The following SLC44A5 variants were observed in gnomAD, a reference collection of about 807,000 sequenced individuals.
SLC44A5 encodes choline transporter-like protein 5.
In SLC44A5, 57 loss-of-function variants were observed where a neutral mutation model predicts 101.8. The observed-to-expected ratio is 0.56, with a 90% confidence interval of 0.45 to 0.70. SLC44A5 has a LOEUF of 0.70. Among genes scored for constraint, SLC44A5 ranks in the 30% least tolerant of loss-of-function variants. SLC44A5 has a pLI of 0.00. For missense variants in SLC44A5, 737 were observed against 853.1 expected (o/e 0.86, Z 1.70); for synonymous variants, 281 against 290.9 (o/e 0.97, Z 0.35).
chr1:75,297,276 A>C (rs1654038279), intron 5 of SLC44A5, among the ~76,000 whole-genome samples: 1 of 152,152 alleles, frequency 6.6e-6, no homozygotes, highest in Admixed American at 6.5e-5. Flanking sequence ...AAACAAATTA[A>C]AATTATTTAT....
At chr1:75,424,019 G>T (rs910257252) in intron 2 of SLC44A5, among the ~76,000 whole-genome samples, 3 of 152,134 alleles carry the variant, frequency 2.0e-5, no homozygotes, top group Non-Finnish European at 2.9e-5. Flanking sequence ...TCTTTCCACC[G>T]CTGGAATTAA....
intron 2 of SLC44A5, among the ~76,000 whole-genome samples, chr1:75,404,888 AG>A (rs1328621584): frequency 1.3e-5 from 2 of 152,256 alleles, no homozygotes; most frequent in Non-Finnish European, 2.9e-5. Context: ...CCCAATTTAA[AG>A]ACACAGACTG....
At chr1:75,445,303 G>A (rs2101640755) in intron 2 of SLC44A5, among the ~76,000 whole-genome samples, 1 of 152,018 alleles carries the variant, frequency 6.6e-6, no homozygotes, top group African/African-American at 2.4e-5. Context: ...CTCCCCTTGT[G>A]TCTTCTGCCA....
chr1:75,325,955 T>A (rs1656557929), intron 4 of SLC44A5, among the ~76,000 whole-genome samples: 1 of 152,044 alleles, frequency 6.6e-6, no homozygotes, highest in African/African-American at 2.4e-5. Flanking sequence ...TTTATACATA[T>A]TTTAAATAAT....
chr1:75,607,638 G>A (rs1345651855), intron 1 of SLC44A5, among the ~76,000 whole-genome samples: 1 of 151,964 alleles, frequency 6.6e-6, no homozygotes, highest in Non-Finnish European at 1.5e-5. Context: ...GGACCCAGTG[G>A]GAGGTAATTG....
At chr1:75,706,280 T>C in the SLC44A5 span, among the ~76,000 whole-genome samples, 2 of 152,296 alleles carry the variant, frequency 1.3e-5, no homozygotes, top group Non-Finnish European at 2.9e-5. Context: ...AGTTTCCAAA[T>C]GCATGGAAAC....
In SLC44A5 at chr1:75,218,738, A is replaced by C. The variant is rs773138109; in HGVS notation, c.1281T>G (p.Thr427=). The C allele has an allele frequency of 6.2e-7, 1 of 1,611,138 alleles. No individual in the cohort carries two copies. Among genetic ancestry groups the C allele is most frequent in the East Asian group, 2.2e-5 (1 of 44,764 alleles). The part of the protein sequence containing the change: ...QTCDPEIFNT[T]EIAKACPGAL... ...CCCCAGGGCAAGCTTTGGCAATTTC[A>C]GTTGTATTAAAAATCTGCATTGAGA... The change falls in exon 17 of 24, where the codon ACT becomes ACG. Residue 427 remains threonine (T), a synonymous_variant. Coordinates refer to ENST00000370859, the MANE Select transcript of SLC44A5 (RefSeq NM_001130058.2).
chr1:75,661,736 T>C, the SLC44A5 span, among the ~76,000 whole-genome samples: 5 of 152,142 alleles, frequency 3.3e-5, no homozygotes, highest in Admixed American at 6.6e-5. Context: ...TCAACAGGTA[T>C]ATTTTAAAAT....
upstream of SLC44A5, among the ~76,000 whole-genome samples, chr1:75,611,662 T>G (rs143897002): frequency 1.7e-3 from 264 of 152,336 alleles, 2 homozygotes; most frequent in African/African-American, 6.2e-3. Context: ...TTGTTACAAA[T>G]GCTTCATTAT....
intron 7 of SLC44A5, among the ~76,000 whole-genome samples, chr1:75,243,636 A>G (rs1295233890): frequency 2.0e-5 from 3 of 151,976 alleles, no homozygotes; most frequent in Non-Finnish European, 4.4e-5. Flanking sequence ...CATACCTTTC[A>G]CTCTGTTTTC....
chr1:75,525,366 C>T (rs1670353455), intron 2 of SLC44A5, among the ~76,000 whole-genome samples: 1 of 152,022 alleles, frequency 6.6e-6, no homozygotes, highest in Non-Finnish European at 1.5e-5. Flanking sequence ...ATGGAATATC[C>T]TAGCCAAAAA....
rs368086885 is a variant in SLC44A5 at position 75,311,248 on chromosome 1, C to T, written c.102-10563G>A. On this transcript the variant is annotated intron_variant, in intron 4 of 23. Coordinates refer to ENST00000370859, the MANE Select transcript of SLC44A5 (RefSeq NM_001130058.2). ...TCTCCTGCCTCAGCCTCCCGAGTAGCTGGGATTACAGGCACTCACCACCAC... is the reference window on the plus strand; with the variant it reads ...TCTCCTGCCTCAGCCTCCCGAGTAGTTGGGATTACAGGCACTCACCACCAC... 7.6e-4 allele frequency among the ~76,000 whole-genome samples: 116 copies of T among 152,168 alleles called. 3 individuals carry two copies. In the East Asian group the frequency reaches 0.022, roughly 28 times the overall value.
chr1:75,511,772 C>T (rs1340186952), intron 2 of SLC44A5, among the ~76,000 whole-genome samples: 1 of 152,184 alleles, frequency 6.6e-6, no homozygotes. Context: ...TTTCCAAGCA[C>T]TAAATAGCTG....
the SLC44A5 span, among the ~76,000 whole-genome samples, chr1:75,626,131 G>T: frequency 1.3e-5 from 2 of 152,108 alleles, no homozygotes; most frequent in African/African-American, 4.8e-5. Context: ...TCAAGATGCT[G>T]TTAAAGGCAA....
At position 75,383,839 on chromosome 1, in the gene SLC44A5, C is replaced by T. The variant is rs1432183165; in HGVS notation, c.52+12744G>A. On this transcript the variant is annotated intron_variant, in intron 3 of 23. Transcript: ENST00000370859. Reference sequence around the variant, plus strand: ...GGGTTACCCTCAAAGGGAAGCCCATCAGACTAACAGCAGATCTCTCAGCAG... The same window carrying T: ...GGGTTACCCTCAAAGGGAAGCCCATTAGACTAACAGCAGATCTCTCAGCAG... 7.2e-5 allele frequency among the ~76,000 whole-genome samples: 11 copies of T among 152,084 alleles called. No homozygotes were observed. The South Asian group carries it at 2.1e-3, about 29-fold the overall frequency.
chr1:75,445,776 C>T (rs556546517), intron 2 of SLC44A5, among the ~76,000 whole-genome samples: 24 of 152,034 alleles, frequency 1.6e-4, no homozygotes, highest in Non-Finnish European at 3.2e-4. Flanking sequence ...TCTCCAACTG[C>T]CCATGTGGCA....
intron 1 of SLC44A5, among the ~76,000 whole-genome samples, chr1:75,602,746 A>C (rs916891734): frequency 6.6e-6 from 1 of 152,130 alleles, no homozygotes; most frequent in East Asian, 1.9e-4. Flanking sequence ...AAGTATTTCA[A>C]AGTGAAAGGT....
intron 2 of SLC44A5, among the ~76,000 whole-genome samples, chr1:75,480,304 T>C (rs1300281432): frequency 6.6e-6 from 1 of 152,170 alleles, no homozygotes; most frequent in African/African-American, 2.4e-5. Context: ...TCATACTGAA[T>C]GGGAAAAAAC....
the SLC44A5 span, among the ~76,000 whole-genome samples, chr1:75,709,827 C>T: frequency 6.6e-6 from 1 of 152,208 alleles, no homozygotes; most frequent in South Asian, 2.1e-4. Flanking sequence ...TTCTTGTACA[C>T]AAATGCTTAT....
Sources: gnomAD v4.1 joint callset for allele counts (sites outside exome capture counted in the v4.1 genomes callset) on GRCh38, gnomAD v4.1.1 for gene constraint, MANE v1.5 for transcripts, NCBI Gene and HGNC (gene_info 2026-07-23, HGNC 2026-07-21) for gene names.